The following CEP128 variants were observed in gnomAD, a reference collection of about 807,000 sequenced individuals.
The protein encoded by CEP128 is centrosomal protein 128kDa.
Under a neutral mutation model 156.7 loss-of-function variants are expected in CEP128, and 132 were observed. That is an observed-to-expected ratio of 0.84 (90% CI 0.73 to 0.97). The LOEUF (loss-of-function observed/expected upper bound fraction) is 0.97. CEP128 is among the 50% of genes least tolerant of loss of function. CEP128 has a pLI of 0.00. For synonymous variants in CEP128, 469 were observed against 448.9 expected (o/e 1.04, Z -0.57); for missense variants, 1,252 against 1,281.9 (o/e 0.98, Z 0.36).
intron 9 of CEP128, among the ~76,000 whole-genome samples, chr14:80,856,720 C>CA (rs1887186933): frequency 1.5e-5 from 1 of 65,158 alleles, no homozygotes; most frequent in Non-Finnish European, 2.8e-5. Context: ...TTTTTCTTTT[C>CA]TTTTTTTTTT....
At chr14:80,494,450 T>A (rs1366442450), downstream of CEP128, among the ~76,000 whole-genome samples, 1 of 152,100 alleles carries the variant, frequency 6.6e-6, no homozygotes, top group Non-Finnish European at 1.5e-5. Context: ...TAAGAACAAA[T>A]CCTGAGTAAA....
At chr14:80,822,910 G>C (rs1220695037) in intron 13 of CEP128, 1 of 516,912 alleles carries the variant, frequency 1.9e-6, no homozygotes, top group African/African-American at 2.0e-5. Context: ...AAGCTATGTT[G>C]TTAGCACACA....
rs565895095 is a variant in CEP128, at chr14:80,922,547, T to C, written c.-15-5985A>G. Among the ~76,000 whole-genome samples the C allele has an allele frequency of 3.3e-5, 5 of 152,308 alleles. No homozygotes were observed. In the East Asian group the frequency reaches 7.7e-4, roughly 24 times the overall value. ...GAGGATATAAAAATATATTAATGTG[T>C]ACCAACATCACTTATGCATCAAAAT... is the stretch of plus-strand genomic sequence containing the variant. On this transcript the variant is annotated intron_variant, in intron 2 of 24. Coordinates refer to ENST00000555265, the MANE Select transcript of CEP128 (RefSeq NM_152446.5).
At chr14:80,637,119 C>T (rs1440047797) in intron 19 of CEP128, among the ~76,000 whole-genome samples, 1 of 151,698 alleles carries the variant, frequency 6.6e-6, no homozygotes, top group Non-Finnish European at 1.5e-5. Context: ...AAATACAAAT[C>T]TGTCCATGTA....
downstream of CEP128, among the ~76,000 whole-genome samples, chr14:80,495,910 A>G (rs969442775): frequency 1.1e-4 from 16 of 152,326 alleles, no homozygotes; most frequent in Non-Finnish European, 1.5e-4. Flanking sequence ...TACATTCTCA[A>G]TACTTTAAAT....
intron 2 of CEP128, among the ~76,000 whole-genome samples, chr14:80,956,682 T>TA (rs3216585): frequency 5.9e-5 from 9 of 151,292 alleles, no homozygotes; most frequent in South Asian, 2.1e-4. Context: ...CCAGTTAAGA[T>TA]AAAAAAAAAT....
intron 19 of CEP128, among the ~76,000 whole-genome samples, chr14:80,664,175 C>G (rs1435448135): frequency 6.6e-6 from 1 of 152,056 alleles, no homozygotes; most frequent in East Asian, 1.9e-4. Context: ...ACCTAAAAAT[C>G]AGAAATAGGA....
At chr14:80,937,080 G>A (rs1885848747) in intron 2 of CEP128, among the ~76,000 whole-genome samples, 1 of 152,202 alleles carries the variant, frequency 6.6e-6, no homozygotes, top group African/African-American at 2.4e-5. Flanking sequence ...TATTTTGGGA[G>A]GCCAAGGTAG....
In CEP128 at chr14:80,916,401, C is replaced by T; in HGVS notation, c.147G>A (p.Gln49=). The T allele has an allele frequency of 6.2e-7, 1 of 1,610,608 alleles. No homozygotes were observed. Residue 49 remains glutamine (Q), a splice_region_variant and synonymous_variant, in exon 3 of 25, where the codon CAG becomes CAA. Coordinates refer to ENST00000555265, the MANE Select transcript of CEP128 (RefSeq NM_152446.5). Reference sequence around the variant, plus strand: ...TAAATGCAACCATTGTTAAACTAACCTGTAAAGTACTTGTTATAGTGTTGA... The same window carrying T: ...TAAATGCAACCATTGTTAAACTAACTTGTAAAGTACTTGTTATAGTGTTGA... The part of the protein sequence containing the change: ...EKVNTITSTL[Q]DTSRNLRQVD...
intron 24 of CEP128, among the ~76,000 whole-genome samples, chr14:80,502,495 TTCTC>T (rs1187909340): frequency 6.6e-6 from 1 of 152,176 alleles, no homozygotes; most frequent in Non-Finnish European, 1.5e-5. Flanking sequence ...ATTTTATCTT[TTCTC>T]TCTATTGTCT....
At position 80,705,575 on chromosome 14, in the gene CEP128, T is replaced by A. The variant is rs566536453; in HGVS notation, c.2806+37500A>T. 2.0e-5 allele frequency among the ~76,000 whole-genome samples: 3 copies of A among 152,286 alleles called. No homozygotes were observed. In the East Asian group the frequency reaches 5.8e-4, roughly 29 times the overall value. ...TGGGGGATTCTGAGGAGACCAGTCC[T>A]TTCCCCTTGAATGTGGGTAGGCTTT... On this transcript the variant is annotated intron_variant, in intron 19 of 24. Coordinates refer to ENST00000555265, the MANE Select transcript of CEP128 (RefSeq NM_152446.5).
At chr14:80,567,945 T>C (rs1163755512) in intron 20 of CEP128, among the ~76,000 whole-genome samples, 4 of 150,288 alleles carry the variant, frequency 2.7e-5, no homozygotes, top group Non-Finnish European at 5.9e-5. Context: ...GGATTTACAT[T>C]TAAAAAAAAA....
At chr14:80,772,256 T>A (rs1234951231) in intron 16 of CEP128, among the ~76,000 whole-genome samples, 1 of 151,882 alleles carries the variant, frequency 6.6e-6, no homozygotes, top group African/African-American at 2.4e-5. Context: ...CCTGGCTCCA[T>A]GAGCAGAAAA....
chr14:80,828,742 T>C lies in CEP128; in HGVS notation c.1209+2401A>G, dbSNP rs1054700223. Among the ~76,000 whole-genome samples, 18 of 152,242 alleles carry C rather than the reference T, an allele frequency of 1.2e-4. No homozygotes were observed. The East Asian group carries it at 3.3e-3, about 28-fold the overall frequency. On this transcript the variant is annotated intron_variant, in intron 13 of 24. Transcript: ENST00000555265. ...CATATGAGGTTCTGTAGGAGAGGTG[T>C]CAGAAAGTGAAGGTTAAAAAGAAAC...
chr14:80,766,882 C>T (rs1364889085), intron 16 of CEP128, among the ~76,000 whole-genome samples: 3 of 151,986 alleles, frequency 2.0e-5, no homozygotes, highest in Middle Eastern at 3.2e-3. Context: ...GAAATAAAAA[C>T]GAATGCAATT....
At chr14:80,648,636 C>T (rs1476262856) in intron 19 of CEP128, among the ~76,000 whole-genome samples, 2 of 151,774 alleles carry the variant, frequency 1.3e-5, no homozygotes, top group Non-Finnish European at 2.9e-5. Flanking sequence ...AGAAGAATAC[C>T]TACATATTTG....
At chr14:80,729,127 G>GTGTGTGTGTT (rs1222842349) in intron 19 of CEP128, among the ~76,000 whole-genome samples, 1 of 115,036 alleles carries the variant, frequency 8.7e-6, no homozygotes, top group Admixed American at 9.4e-5. Flanking sequence ...GTGTGTGTGT[G>GTGTGTGTGTT]TTTACCCAGT....
chr14:80,544,450 G>A (rs1016081812), intron 21 of CEP128, among the ~76,000 whole-genome samples: 2 of 152,024 alleles, frequency 1.3e-5, no homozygotes, highest in African/African-American at 4.8e-5. Context: ...CCTTTTTGAG[G>A]TGTCCTCACA....
chr14:80,892,175 G>C (rs1889133763), intron 8 of CEP128, among the ~76,000 whole-genome samples: 1 of 151,886 alleles, frequency 6.6e-6, no homozygotes. Flanking sequence ...CAAAGCTATA[G>C]TAATCAAAAC....
Sources: gnomAD v4.1 joint callset for allele counts (sites outside exome capture counted in the v4.1 genomes callset) on GRCh38, gnomAD v4.1.1 for gene constraint, MANE v1.5 for transcripts, NCBI Gene and HGNC (gene_info 2026-07-23, HGNC 2026-07-21) for gene names.